Variants in PTPRD observed in about 807,000 individuals in gnomAD.
PTPRD encodes the protein protein tyrosine phosphatase receptor type D, also known as receptor-type tyrosine-protein phosphatase delta.
Under a neutral mutation model 214.5 loss-of-function variants are expected in PTPRD, and 34 were observed. That is an observed-to-expected ratio of 0.16 (90% CI 0.12 to 0.21). The LOEUF (loss-of-function observed/expected upper bound fraction) is 0.21. Among genes scored for constraint, PTPRD ranks in the 10% least tolerant of loss-of-function variants. The probability of loss-of-function intolerance (pLI) is 1.00; values close to 1 mark genes in which losing one functional copy is unlikely to be tolerated. For missense variants in PTPRD, 2,545 were observed against 2,398.7 expected (o/e 1.06, Z -1.27); for synonymous variants, 1,128 against 845.7 (o/e 1.33, Z -5.79).
At chr9:9,724,308 GA>G (rs1181038031) in intron 7 of PTPRD, among the ~76,000 whole-genome samples, 2 of 152,072 alleles carry the variant, frequency 1.3e-5, no homozygotes, top group African/African-American at 4.8e-5. Context: ...GTCATTCAAG[GA>G]AACATCACAG....
chr9:10,330,578 TGC>T (rs2096730970), intron 3 of PTPRD, among the ~76,000 whole-genome samples: 1 of 151,910 alleles, frequency 6.6e-6, no homozygotes, highest in Non-Finnish European at 1.5e-5. Context: ...TATATTTTAT[TGC>T]ATCACCTTAA....
intron 7 of PTPRD, among the ~76,000 whole-genome samples, chr9:9,680,193 C>G (rs1396877262): frequency 6.6e-6 from 1 of 151,910 alleles, no homozygotes; most frequent in East Asian, 1.9e-4. Flanking sequence ...TTCATCACAA[C>G]TATTTCTCCA....
intron 9 of PTPRD, among the ~76,000 whole-genome samples, chr9:9,233,864 G>C (rs2099964768): frequency 6.6e-6 from 1 of 152,154 alleles, no homozygotes. Flanking sequence ...GGCTTTGTAG[G>C]GTATAGTCAC....
chr9:8,830,375 G>C (rs2097263469), intron 11 of PTPRD, among the ~76,000 whole-genome samples: 1 of 152,010 alleles, frequency 6.6e-6, no homozygotes, highest in African/African-American at 2.4e-5. Flanking sequence ...AAAGATATGA[G>C]ATAAATTTTA....
At chr9:9,704,640 C>A (rs1048051114) in intron 7 of PTPRD, among the ~76,000 whole-genome samples, 1 of 152,178 alleles carries the variant, frequency 6.6e-6, no homozygotes, top group Non-Finnish European at 1.5e-5. Context: ...ATAATTATTA[C>A]AGCTTTTGCC....
intron 25 of PTPRD, among the ~76,000 whole-genome samples, chr9:8,498,210 A>G (rs1283329012): frequency 6.6e-6 from 1 of 152,186 alleles, no homozygotes; most frequent in Non-Finnish European, 1.5e-5. Flanking sequence ...GACTTGTATT[A>G]AGACTTTGGG....
At chr9:10,096,807 C>T (rs940694205) in intron 3 of PTPRD, among the ~76,000 whole-genome samples, 1 of 151,916 alleles carries the variant, frequency 6.6e-6, no homozygotes, top group African/African-American at 2.4e-5. Flanking sequence ...GACATGAAGT[C>T]CTTGCCCATG....
chr9:8,548,913 A>G (rs535982076), intron 14 of PTPRD, among the ~76,000 whole-genome samples: 5 of 150,782 alleles, frequency 3.3e-5, no homozygotes, highest in African/African-American at 1.2e-4. Context: ...CTGGTCTTGG[A>G]CTCCTGACCT....
chr9:8,528,816 A>G (rs2139493085), intron 14 of PTPRD, 37 bp from the exon 15 acceptor site: 2 of 1,595,456 alleles, frequency 1.3e-6, no homozygotes, highest in Non-Finnish European at 1.7e-6. Context: ...TTCAGTTAAT[A>G]AGTCAGATGC....
At chr9:10,087,159 A>T (rs974088863) in intron 3 of PTPRD, among the ~76,000 whole-genome samples, 1 of 151,126 alleles carries the variant, frequency 6.6e-6, no homozygotes, top group African/African-American at 2.4e-5. Context: ...TTAGAAACTG[A>T]AAAGTAGTAT....
intron 3 of PTPRD, among the ~76,000 whole-genome samples, chr9:10,198,192 C>G (rs2099405374): frequency 6.6e-6 from 1 of 151,994 alleles, no homozygotes; most frequent in South Asian, 2.1e-4. Context: ...AAGGATGAAC[C>G]TCATGCAAAT....
intron 5 of PTPRD, among the ~76,000 whole-genome samples, chr9:9,833,823 C>T (rs960775544): frequency 1.5e-4 from 23 of 152,102 alleles, no homozygotes; most frequent in African/African-American, 5.3e-4. Flanking sequence ...CCCGGCTCAC[C>T]GGTGGTCAGA....
chr9:9,336,322 C>T (rs981919776), intron 9 of PTPRD, among the ~76,000 whole-genome samples: 20 of 152,134 alleles, frequency 1.3e-4, no homozygotes, highest in Non-Finnish European at 2.6e-4. Flanking sequence ...AGGCAGAATC[C>T]TTTGCCCATG....
intron 5 of PTPRD, among the ~76,000 whole-genome samples, chr9:9,920,286 G>C (rs929132652): frequency 7.9e-5 from 12 of 151,992 alleles, no homozygotes; most frequent in Admixed American, 5.9e-4. Context: ...AAGCTGATTT[G>C]TCTTCTTGTT....
chr9:10,610,489 CTTTA>C lies in PTPRD; in HGVS notation c.-600+1905_-600+1908del, dbSNP rs796703502. On this transcript the variant is annotated intron_variant, in intron 2 of 45. Transcript: ENST00000381196. The stretch of plus-strand genomic sequence containing the variant: ...TGCCCTACTTAGGTACAATCTTCCC[CTTTA>C]TTTTTCAATAATTAAGTTTTTTTTT... 1.0e-4 allele frequency among the ~76,000 whole-genome samples: 15 copies of C among 149,420 alleles called. 1 individual carries two copies. Among genetic ancestry groups the C allele is most frequent in the African/African-American group, 3.2e-4 (13 of 40,920 alleles).
At chr9:10,000,868 C>T (rs1379896205) in intron 4 of PTPRD, among the ~76,000 whole-genome samples, 1 of 152,106 alleles carries the variant, frequency 6.6e-6, no homozygotes, top group Admixed American at 6.5e-5. Flanking sequence ...TGGTGGCCTG[C>T]ATTTGCATAT....
intron 3 of PTPRD, among the ~76,000 whole-genome samples, chr9:10,280,726 C>T (rs1042880887): frequency 6.6e-6 from 1 of 152,122 alleles, no homozygotes; most frequent in Admixed American, 6.6e-5. Flanking sequence ...TCCCCCATCT[C>T]AGCCTCCTGA....
intron 11 of PTPRD, among the ~76,000 whole-genome samples, chr9:8,916,444 G>A (rs563660279): frequency 2.0e-5 from 3 of 152,094 alleles, no homozygotes; most frequent in Non-Finnish European, 4.4e-5. Flanking sequence ...GAGAGGATGG[G>A]GTAAGTGGGG....
intron 27 of PTPRD, among the ~76,000 whole-genome samples, chr9:8,488,118 G>A (rs752345719): frequency 5.7e-4 from 86 of 152,060 alleles, no homozygotes; most frequent in Non-Finnish European, 1.0e-3. Flanking sequence ...ATACCATGGG[G>A]ATATAGATGA....
Sources: allele counts gnomAD v4.1 joint callset (sites outside exome capture counted in the v4.1 genomes callset), GRCh38; gene constraint gnomAD v4.1.1; transcripts MANE v1.5; gene names NCBI Gene and HGNC (gene_info 2026-07-23, HGNC 2026-07-21).